The following NT5DC2 variants were observed in gnomAD, a reference collection of about 807,000 sequenced individuals.
The protein encoded by NT5DC2 is 5'-nucleotidase domain-containing protein 2.
Under a neutral mutation model 70.0 loss-of-function variants are expected in NT5DC2, and 41 were observed. The ratio of observed to expected loss-of-function variants is 0.59; its 90% CI spans 0.46 to 0.76. NT5DC2 has a LOEUF of 0.76. NT5DC2 is among the 30% of genes least tolerant of loss of function. The pLI, the probability that NT5DC2 is intolerant of heterozygous loss-of-function variation, is 0.00. For missense variants in NT5DC2, 705 were observed against 783.2 expected (o/e 0.90, Z 1.19); for synonymous variants, 299 against 310.4 (o/e 0.96, Z 0.39).
chr3:52,524,707 A>G lies in NT5DC2; in HGVS notation c.1437T>C (p.Asn479=), dbSNP rs763223350. 101 of 1,612,660 alleles carry G rather than the reference A, an allele frequency of 6.3e-5. No homozygotes were observed. The highest frequency in any genetic ancestry group is 6.4e-5 in the Non-Finnish European group (75 of 1,180,036). Residue 479 remains asparagine (N), a synonymous_variant, in exon 14 of 14, where the codon AAT becomes AAC. Transcript: ENST00000422318. ...TGCGGAAGATGCTGCCGAACTGCGC[A>G]TTGAACAGGGCCTTGGTGATGCACC... ...ELRCITKALF[N]AQFGSIFRTF...
Position 52,531,402 on chromosome 3 carries a change from T to C in NT5DC2, c.233-2068A>G, listed in dbSNP as rs57440640. ...CTTCCCATGGCCCTGAGTTCCCGGATACCAACTGTGACTGTGACTCTTGGT... is the reference window on the plus strand; with the variant it reads ...CTTCCCATGGCCCTGAGTTCCCGGACACCAACTGTGACTGTGACTCTTGGT... On this transcript the variant is annotated intron_variant, in intron 1 of 13. Coordinates refer to ENST00000422318, the MANE Select transcript of NT5DC2 (RefSeq NM_001134231.2). The surrounding 1 kb of genome is among the most constrained non-coding windows in gnomAD (Gnocchi z 4.1). 0.038 allele frequency among the ~76,000 whole-genome samples: 5,780 copies of C among 152,186 alleles called. 373 individuals carry two copies. The highest frequency in any genetic ancestry group is 0.13 in the African/African-American group (5,378 of 41,530).
chr3:52,532,334 G>A (rs545239523), intron 1 of NT5DC2: 10 of 985,224 alleles, frequency 1.0e-5, no homozygotes, highest in Admixed American at 6.2e-5. Flanking sequence ...GGTCTTCTCC[G>A]GGCCCAGAGC....
rs780937578 is a variant in NT5DC2, at chr3:52,528,159, C to T, written c.771+24G>A. On this transcript the variant is annotated intron_variant, in intron 6 of 13. Coordinates refer to ENST00000422318, the MANE Select transcript of NT5DC2 (RefSeq NM_001134231.2). The stretch of plus-strand genomic sequence containing the variant: ...GCTGGACTTAGTCTTTCCTGCCATC[C>T]GAGGGCAGGCCCAGCATCCTCACCG... 316 of 1,612,858 alleles carry T rather than the reference C, an allele frequency of 2.0e-4. 2 individuals carry two copies. Among genetic ancestry groups the T allele is most frequent in the Non-Finnish European group, 4.9e-5 (58 of 1,180,030 alleles).
intron 9 of NT5DC2, 37 bp downstream of exon 9, chr3:52,527,580 C>G (rs1259316898): frequency 6.2e-7 from 1 of 1,603,958 alleles, no homozygotes; most frequent in Non-Finnish European, 8.5e-7. Flanking sequence ...GCCTCTATTC[C>G]CCTTCCCTGG....
chr3:52,528,115 G>A (rs777335352), intron 6 of NT5DC2, 42 bp from the exon 7 acceptor site: 6 of 1,612,876 alleles, frequency 3.7e-6, no homozygotes, highest in Middle Eastern at 1.6e-4. Flanking sequence ...CAGGGCCCAG[G>A]TGGGGCTGTC....
rs771710395 is a variant in NT5DC2 at position 52,527,403 on chromosome 3, CCA to C, written c.1038-30_1038-29del. On this transcript the variant is annotated intron_variant, in intron 9 of 13. Transcript: ENST00000422318. ...GGGGTGCAGGTAAAGGGCATGACTTCCAGTCTGTGGCTGGGCCACGGGCCGGG... is the reference window on the plus strand; with the variant it reads ...GGGGTGCAGGTAAAGGGCATGACTTCGTCTGTGGCTGGGCCACGGGCCGGG... 24 of 1,611,450 alleles carry C rather than the reference CCA, an allele frequency of 1.5e-5. No individual in the cohort carries two copies. In the South Asian group the frequency reaches 2.6e-4, roughly 18 times the overall value.
At chr3:52,527,000 G>A (rs1465232088) in intron 10 of NT5DC2, among the ~76,000 whole-genome samples, 1 of 152,242 alleles carries the variant, frequency 6.6e-6, no homozygotes, top group African/African-American at 2.4e-5. Context: ...CACAGCTTCA[G>A]TAGAGAGTAT....
rs191024055 is a variant in NT5DC2, at chr3:52,532,227, G to T, written c.232+1279C>A. The T allele has an allele frequency of 2.7e-4, 264 of 985,440 alleles. 4 individuals are homozygous for T. The African/African-American group carries it at 4.2e-3, about 16-fold the overall frequency. 61.0% of individuals were successfully genotyped at this position (985,440 alleles called of 1,614,324 possible). On this transcript the variant is annotated intron_variant, in intron 1 of 13. Transcript: ENST00000422318. ...CAAGAGGAGCTTAGAGGGCTGTGAG[G>T]CTCCAAAGATGCAGGCAGGCCCAGG...
intron 1 of NT5DC2, chr3:52,532,132 A>G: frequency 1.0e-6 from 1 of 971,740 alleles, no homozygotes; most frequent in Non-Finnish European, 1.2e-6. Flanking sequence ...CGGCGCCCAG[A>G]GGTGTGAAGC....
chr3:52,532,468 C>T (rs1207768464), intron 1 of NT5DC2: 4 of 985,300 alleles, frequency 4.1e-6, no homozygotes, highest in Non-Finnish European at 3.6e-6. Flanking sequence ...ACCATCCTGC[C>T]TTTACTGGTC....
At chr3:52,532,481 G>C in intron 1 of NT5DC2, 1 of 985,448 alleles carries the variant, frequency 1.0e-6, no homozygotes. Flanking sequence ...TACTGGTCAA[G>C]AAGTGATTCT....
chr3:52,527,387 G>A lies in NT5DC2; in HGVS notation c.1038-12C>T. ...GTTTTCTGAAAGGCCTGGGGTGCAG[G>A]TAAAGGGCATGACTTCCAGTCTGTG... On this transcript the variant is annotated splice_polypyrimidine_tract_variant and intron_variant, in intron 9 of 13. Transcript: ENST00000422318. 1.2e-6 allele frequency: 2 copies of A among 1,613,764 alleles called. No homozygotes were observed. The highest frequency in any genetic ancestry group is 1.7e-6 in the Non-Finnish European group (2 of 1,179,756).
chr3:52,532,026 AAT>A (rs2079368286), intron 1 of NT5DC2: 1 of 205,716 alleles, frequency 4.9e-6, no homozygotes, highest in Non-Finnish European at 8.5e-6. Flanking sequence ...CTAGCCTCCC[AAT>A]GTCACCACAC....
chr3:52,534,761 TG>T, upstream of NT5DC2: 1 of 1,448,834 alleles, frequency 6.9e-7, no homozygotes, highest in Non-Finnish European at 9.3e-7. Flanking sequence ...GGGAGCCAGC[TG>T]GGCGCGCGTT....
Position 52,527,450 on chromosome 3 carries a change from G to C in NT5DC2, c.1038-75C>G, listed in dbSNP as rs541549487. On this transcript the variant is annotated intron_variant, in intron 9 of 13. Transcript: ENST00000422318. ...GCCGGGCAACCCCCATCCCTCCTCCGTAAAGGCCCACCTGCTCAAGTGGAC... is the reference window on the plus strand; with the variant it reads ...GCCGGGCAACCCCCATCCCTCCTCCCTAAAGGCCCACCTGCTCAAGTGGAC... 13 of 1,528,390 alleles carry C rather than the reference G, an allele frequency of 8.5e-6. No individual in the cohort carries two copies. In the Admixed American group the frequency reaches 1.6e-4, roughly 18 times the overall value. The allele number at this position is 1,528,390 out of a possible 1,614,324, so 94.7% of individuals were successfully genotyped here. A position where few individuals can be genotyped will look rare whatever the true frequency, so the allele number is the denominator to read the frequency against.
At chr3:52,530,213 C>A (rs1317465496) in intron 1 of NT5DC2, among the ~76,000 whole-genome samples, 1 of 152,222 alleles carries the variant, frequency 6.6e-6, no homozygotes, top group African/African-American at 2.4e-5. Context: ...CAGGTTGCTC[C>A]TTCTGGGGAT....
intron 10 of NT5DC2, chr3:52,525,557 T>C: frequency 2.0e-6 from 1 of 489,774 alleles, no homozygotes; most frequent in Non-Finnish European, 3.7e-6. Context: ...GTCTCACACG[T>C]ACCCCAGGTT....
intron 10 of NT5DC2, 57 bp downstream of exon 10, chr3:52,527,237 G>C (rs1450798667): frequency 1.3e-6 from 2 of 1,526,602 alleles, no homozygotes; most frequent in African/African-American, 2.7e-5. Flanking sequence ...CACAGCCTGG[G>C]GCCCTAGCTA....
At position 52,527,340 on chromosome 3, in the gene NT5DC2, T is replaced by C; in HGVS notation, c.1073A>G (p.Gln358Arg). The change falls in exon 10 of 14, where the codon CAG (glutamine) becomes CGG (arginine). Residue 358 changes from glutamine to arginine, a missense_variant. Physicochemically the swap from Gln to Arg is conservative, Grantham distance 43 (BLOSUM62 1). Transcript: ENST00000422318. Reference protein sequence around the residue: ...FRKLDEKGSLQWDRITRLEKG... With the variant: ...FRKLDEKGSLRWDRITRLEKG... ...TTCCAAGCGGGTGATCCGGTCCCAC[T>C]GAAGTGAGCCCTTCTCATCGAGTTT... 1 of 1,614,156 alleles carries C rather than the reference T, an allele frequency of 6.2e-7. No individual in the cohort carries two copies.
Sources: allele counts gnomAD v4.1 joint callset (sites outside exome capture counted in the v4.1 genomes callset), GRCh38; gene constraint gnomAD v4.1.1; non-coding constraint Gnocchi (gnomAD v3.1); transcripts MANE v1.5; gene names NCBI Gene and HGNC (gene_info 2026-07-23, HGNC 2026-07-21).